CEMIP: variants seen among roughly 807,000 people sequenced by gnomAD.
CEMIP encodes cell migration-inducing and hyaluronan-binding protein.
In CEMIP, 105 loss-of-function variants were observed where a neutral mutation model predicts 156.9. The ratio of observed to expected loss-of-function variants is 0.67; its 90% CI spans 0.57 to 0.79. The LOEUF is 0.79. Ranked by LOEUF, CEMIP falls within the 30% of genes least tolerant of loss-of-function variation. The pLI is 0.00. For missense variants in CEMIP, 1,457 were observed against 1,769.4 expected (o/e 0.82, Z 3.17); for synonymous variants, 676 against 668.4 (o/e 1.01, Z -0.17).
chr15:80,941,531 G>C (rs1008860581), intron 25 of CEMIP, among the ~76,000 whole-genome samples: 3 of 152,126 alleles, frequency 2.0e-5, no homozygotes, highest in African/African-American at 7.2e-5. Flanking sequence ...TCCCATCCAG[G>C]AATTCAGGAT....
chr15:80,926,815 C>T (rs868001354), intron 19 of CEMIP, among the ~76,000 whole-genome samples: 17 of 8,442 alleles, frequency 2.0e-3, no homozygotes, highest in African/African-American at 5.7e-3. Context: ...AGAGACTGAG[C>T]GGGTGGGGGG....
chr15:80,843,108 T>C (rs12372944), intron 1 of CEMIP, among the ~76,000 whole-genome samples: 117,061 of 152,100 alleles, frequency 0.77, 45,276 homozygotes, highest in African/African-American at 0.8. Flanking sequence ...AACAGTGAAC[T>C]CACTACATGC....
At chr15:80,790,304 A>G (rs1015508905) in intron 1 of CEMIP, among the ~76,000 whole-genome samples, 2 of 152,144 alleles carry the variant, frequency 1.3e-5, no homozygotes, top group Non-Finnish European at 2.9e-5. Flanking sequence ...ACTACATTTG[A>G]TGTTCACTCT....
Position 80,950,464 on chromosome 15 carries a change from C to A in CEMIP, c.*1540C>A, listed in dbSNP as rs1433144908. 1.3e-5 allele frequency: 2 copies of A among 152,290 alleles called. No individual in the cohort carries two copies. The highest frequency in any genetic ancestry group is 2.9e-5 in the Non-Finnish European group (2 of 68,068). The allele number at this position is 152,290 out of a possible 1,614,324, so 9.4% of individuals were successfully genotyped here. A position where few individuals can be genotyped will look rare whatever the true frequency, so the allele number is the denominator to read the frequency against. ...TCTTCCCTCCTGCTCCCAGCGCACA[C>A]AAACCCGCCCTCCCCTTGGTGTTGG... On this transcript the variant is annotated 3_prime_UTR_variant, in exon 30 of 30. Transcript: ENST00000394685.
intron 1 of CEMIP, among the ~76,000 whole-genome samples, chr15:80,791,691 G>A (rs1181415197): frequency 6.6e-6 from 1 of 152,176 alleles, no homozygotes; most frequent in African/African-American, 2.4e-5. Flanking sequence ...GGTGAGGAGG[G>A]TTTATCCTGT....
At chr15:80,869,951 T>C (rs1023507145) in intron 1 of CEMIP, among the ~76,000 whole-genome samples, 7 of 152,222 alleles carry the variant, frequency 4.6e-5, no homozygotes, top group Non-Finnish European at 2.9e-5. Flanking sequence ...TCTTCTTTCA[T>C]GCCATGGACT....
intron 1 of CEMIP, among the ~76,000 whole-genome samples, chr15:80,837,888 G>A (rs992859232): frequency 1.3e-5 from 2 of 152,188 alleles, no homozygotes; most frequent in Non-Finnish European, 2.9e-5. Flanking sequence ...TGCACAGACT[G>A]GGGTCTCTCA....
intron 14 of CEMIP, chr15:80,909,579 C>T (rs1367873326): frequency 5.6e-6 from 3 of 534,252 alleles, no homozygotes; most frequent in South Asian, 1.5e-5. Flanking sequence ...ACTTCATTGG[C>T]ATCACATGAA....
intron 1 of CEMIP, among the ~76,000 whole-genome samples, chr15:80,781,027 T>C (rs528334537): frequency 7.2e-5 from 11 of 152,266 alleles, no homozygotes; most frequent in African/African-American, 2.6e-4. Flanking sequence ...ACTCTGTGGT[T>C]CTCTGGCTTT....
intron 1 of CEMIP, among the ~76,000 whole-genome samples, chr15:80,797,902 C>A (rs1275991124): frequency 6.6e-6 from 1 of 152,232 alleles, no homozygotes; most frequent in East Asian, 1.9e-4. Flanking sequence ...AAAGGAAATG[C>A]TCCTTCATTA....
chr15:80,812,928 T>C (rs1273539599), intron 1 of CEMIP, among the ~76,000 whole-genome samples: 2 of 152,194 alleles, frequency 1.3e-5, no homozygotes, highest in African/African-American at 4.8e-5. Context: ...GATGGCTTCA[T>C]TGAAAATGCA....
At chr15:80,908,720 T>C (rs1377374849) in intron 13 of CEMIP, among the ~76,000 whole-genome samples, 1 of 152,184 alleles carries the variant, frequency 6.6e-6, no homozygotes, top group East Asian at 1.9e-4. Flanking sequence ...CCCATGGTCA[T>C]AGGGCATGCT....
At chr15:80,816,616 G>T (rs1896793672) in intron 1 of CEMIP, among the ~76,000 whole-genome samples, 1 of 152,138 alleles carries the variant, frequency 6.6e-6, no homozygotes, top group Admixed American at 6.5e-5. Flanking sequence ...TTAAAAGATT[G>T]AATCATCTCC....
chr15:80,864,969 C>T (rs146391527), intron 1 of CEMIP, among the ~76,000 whole-genome samples: 233 of 152,150 alleles, frequency 1.5e-3, no homozygotes, highest in African/African-American at 4.7e-3. Flanking sequence ...GGAATACCAC[C>T]GTGAGAACTG....
At chr15:80,898,543 G>A (rs570854543) in intron 12 of CEMIP, among the ~76,000 whole-genome samples, 1 of 152,318 alleles carries the variant, frequency 6.6e-6, no homozygotes, top group South Asian at 2.1e-4. Flanking sequence ...GGGTGTTGTA[G>A]TGAGAGGGAA....
At chr15:80,879,067 G>A (rs1898560260) in intron 4 of CEMIP, among the ~76,000 whole-genome samples, 200 bp downstream of exon 4, 1 of 152,196 alleles carries the variant, frequency 6.6e-6, no homozygotes, top group African/African-American at 2.4e-5. Context: ...TTAGTGAAAG[G>A]AGCACTTATC....
chr15:80,921,942 G>C (rs1900488519), intron 16 of CEMIP, 67 bp from the exon 17 acceptor site: 3 of 1,609,934 alleles, frequency 1.9e-6, no homozygotes, highest in Admixed American at 1.7e-5. Context: ...GGGCCGCGTG[G>C]CCACCTTGCC....
At chr15:80,828,012 A>G (rs1341899356) in intron 1 of CEMIP, among the ~76,000 whole-genome samples, 1 of 152,206 alleles carries the variant, frequency 6.6e-6, no homozygotes, top group Non-Finnish European at 1.5e-5. Flanking sequence ...GGCATGAAGG[A>G]AAAAAGTCAT....
Position 80,873,902 on chromosome 15 carries a change from ACTTCCT to A in CEMIP, c.28_33del (p.Leu10_Phe11del). The A allele has an allele frequency of 6.3e-7, 1 of 1,580,688 alleles. No homozygotes were observed. The highest frequency in any genetic ancestry group is 1.2e-5 in the South Asian group (1 of 86,140). ...AGGATGGGAGCTGCTGGGAGGCAGG[ACTTCCT>A]CTTCAAGGCCATGCTGACCATCAGC... On this transcript the variant is annotated inframe_deletion, in exon 3 of 30. Coordinates refer to ENST00000394685, the MANE Select transcript of CEMIP (RefSeq NM_001293298.2).
Sources: allele counts gnomAD v4.1 joint callset (sites outside exome capture counted in the v4.1 genomes callset), GRCh38; gene constraint gnomAD v4.1.1; transcripts MANE v1.5; gene names NCBI Gene and HGNC (gene_info 2026-07-23, HGNC 2026-07-21).